The following LRG1 variants were observed in gnomAD, a reference collection of about 807,000 sequenced individuals.
The protein encoded by LRG1 is leucine rich alpha-2-glycoprotein 1.
Under a neutral mutation model 2.4 loss-of-function variants are expected in LRG1, and 1 was observed. The ratio of observed to expected loss-of-function variants is 0.41; its 90% CI spans 0.15 to 1.95. LRG1 has a LOEUF of 1.95. LRG1 is among the 30% of genes most tolerant of loss of function. LRG1 has a pLI of 0.30. For missense variants in LRG1, 425 were observed against 436.9 expected, an observed-to-expected ratio of 0.97 and a Z score of 0.24; for synonymous variants, 226 against 210.6, an observed-to-expected ratio of 1.07 and a Z score of -0.63.
In LRG1 at chr19:4,538,227, C is replaced by T; in HGVS notation, c.757G>A (p.Ala253Thr). The change falls in exon 2 of 2, where the codon GCC (alanine) becomes ACC (threonine). Residue 253 changes from alanine to threonine, a missense_variant. Transcript: ENST00000306390. ...LNGNKLARVA[A>T]GAFQGLRQLD... ...TGCCGCAGGCCCTGGAAGGCACCGG[C>T]TGCCACCCTGGCCAGCTTGTTGCCG... The T allele has an allele frequency of 6.2e-7, 1 of 1,614,046 alleles. No individual in the cohort carries two copies. The highest frequency in any genetic ancestry group is 1.1e-5 in the South Asian group (1 of 91,088).
chr19:4,538,657 G>A lies in LRG1; in HGVS notation c.327C>T (p.Pro109=), dbSNP rs567253168. The A allele has an allele frequency of 1.4e-4, 222 of 1,613,210 alleles. 3 individuals carry two copies. The South Asian group carries it at 2.3e-3, about 17-fold the overall frequency. ...GCTGCGGCACTGGCCGCAGGAATTC[G>A]GGCGAGAGGCTTTCCAGCCCATTGC... The part of the protein sequence containing the change: ...LSSNGLESLS[P]EFLRPVPQLR... Residue 109 remains proline (P), a synonymous_variant, in exon 2 of 2, where the codon CCC becomes CCT. Transcript: ENST00000306390.
At position 4,537,999 on chromosome 19, in the gene LRG1, AGC is replaced by A. The variant is rs776048394; in HGVS notation, c.983_984del (p.Arg328LeufsTer5). 5 of 1,613,794 alleles carry A rather than the reference AGC, an allele frequency of 3.1e-6. No homozygotes were observed. The highest frequency in any genetic ancestry group is 4.2e-6 in the Non-Finnish European group (5 of 1,180,052). On this transcript the variant is annotated frameshift_variant, in exon 2 of 2. Coordinates refer to ENST00000306390, the MANE Select transcript of LRG1 (RefSeq NM_052972.3). LOFTEE classifies it low-confidence loss of function (END_TRUNC). ...KDKMFSQNDT[R>X]CAGPEAVKGQ... ...CCCTTCACGGCTTCAGGCCCAGCAC[AGC>A]GCGTGTCATTCTGGGAAAACATCTT...
chr19:4,538,483 C>T lies in LRG1; in HGVS notation c.501G>A (p.Gly167=). 1.2e-6 allele frequency: 2 copies of T among 1,614,024 alleles called. No homozygotes were observed. The highest frequency in any genetic ancestry group is 1.7e-5 in the Admixed American group (1 of 60,014). Residue 167 remains glycine, a synonymous_variant, in exon 2 of 2, where the codon GGG becomes GGA. Transcript: ENST00000306390. ...GGCGGTTCCCAGACAGGTCCAGATG[C>T]CCCAGAGCTTTCAGGCCGTGTAGCC... ...VSWLHGLKAL[G]HLDLSGNRLR...
At position 4,538,767 on chromosome 19, in the gene LRG1, G is replaced by C. The variant is rs377200822; in HGVS notation, c.217C>G (p.Leu73Val). 3.5e-5 allele frequency: 56 copies of C among 1,606,434 alleles called. No homozygotes were observed. The highest frequency in any genetic ancestry group is 3.3e-4 in the Middle Eastern group (2 of 6,060). The change falls in exon 2 of 2, where the codon CTG becomes GTG. Residue 73 changes from leucine to valine, a missense_variant. By Grantham distance (32) the Leu-to-Val change is conservative (BLOSUM62 1). Coordinates refer to ENST00000306390, the MANE Select transcript of LRG1 (RefSeq NM_052972.3). ...PGYLPADTVH[L>V]AVEFFNLTHL... ...GTCAGGTTGAAGAATTCCACGGCCA[G>C]GTGCACGGTGTCGGCTGGCAGGTAG...
In LRG1 at chr19:4,538,813, T is replaced by C. The variant is rs747956810; in HGVS notation, c.171A>G (p.Gln57=). 3.7e-6 allele frequency: 6 copies of C among 1,601,928 alleles called. No homozygotes were observed. The African/African-American group carries it at 8.0e-5, about 21-fold the overall frequency. The change falls in exon 2 of 2, where the codon CAA becomes CAG. Residue 57 remains glutamine (Q), a synonymous_variant. Coordinates refer to ENST00000306390, the MANE Select transcript of LRG1 (RefSeq NM_052972.3). ...RSDHGSSISC[Q]PPAEIPGYLP... Reference sequence around the variant, plus strand: ...GGTAGCCGGGGATTTCGGCAGGTGGTTGACAGGAGATGGAGCTGCCATGGT... The same window carrying C: ...GGTAGCCGGGGATTTCGGCAGGTGGCTGACAGGAGATGGAGCTGCCATGGT...
rs116144652 is a variant in LRG1, at chr19:4,538,283, G to A, written c.701C>T (p.Pro234Leu). 7.5e-4 allele frequency: 1,218 copies of A among 1,614,182 alleles called. 3 individuals carry two copies. In the African/African-American group the frequency reaches 0.012, roughly 16 times the overall value. Residue 234 changes from proline (P) to leucine (L), a missense_variant, in exon 2 of 2, where the codon CCG (proline) becomes CTG (leucine). By Grantham distance (98) the Pro-to-Leu change is moderately conservative. Coordinates refer to ENST00000306390, the MANE Select transcript of LRG1 (RefSeq NM_052972.3). ...GAAGAGGTAGCGCAGGTCCGGCTGC[G>A]GCAAGAGGAGATCTTTTCCCAGTAC... is the stretch of plus-strand genomic sequence containing the variant. ...LQVLGKDLLL[P>L]QPDLRYLFLN...
chr19:4,538,992 A>C, intron 1 of LRG1, 41 bp from the exon 2 acceptor site: 1 of 1,473,638 alleles, frequency 6.8e-7, no homozygotes, highest in Non-Finnish European at 9.0e-7. Flanking sequence ...ACCACAGTGA[A>C]AATACACTCA....
rs2145334652 is a variant in LRG1, at chr19:4,537,726, C to T, written c.*214G>A. ...GGGACTACAGGTGCCCACCACCACGCCTGGCTAATTTTTTATATTTTTAGT... is the reference window on the plus strand; with the variant it reads ...GGGACTACAGGTGCCCACCACCACGTCTGGCTAATTTTTTATATTTTTAGT... On this transcript the variant is annotated 3_prime_UTR_variant, in exon 2 of 2. Transcript: ENST00000306390. 4 of 546,242 alleles carry T rather than the reference C, an allele frequency of 7.3e-6. No homozygotes were observed. The South Asian group carries it at 9.1e-5, about 12-fold the overall frequency. The allele number at this position is 546,242 out of a possible 1,614,324, so 33.8% of individuals were successfully genotyped here. A position where few individuals can be genotyped will look rare whatever the true frequency, so the allele number is the denominator to read the frequency against.
chr19:4,538,793 C>A lies in LRG1; in HGVS notation c.191G>T (p.Gly64Val). The A allele has an allele frequency of 6.2e-7, 1 of 1,604,774 alleles. No homozygotes were observed. Among genetic ancestry groups the A allele is most frequent in the Non-Finnish European group, 8.5e-7 (1 of 1,173,018 alleles). Residue 64 changes from glycine to valine, a missense_variant, in exon 2 of 2, where the codon GGC becomes GTC. Transcript: ENST00000306390. Reference protein sequence around the residue: ...ISCQPPAEIPGYLPADTVHLA... With the variant: ...ISCQPPAEIPVYLPADTVHLA... ...GTGCACGGTGTCGGCTGGCAGGTAGCCGGGGATTTCGGCAGGTGGTTGACA... is the reference window on the plus strand; with the variant it reads ...GTGCACGGTGTCGGCTGGCAGGTAGACGGGGATTTCGGCAGGTGGTTGACA...
rs1043287083 is a variant in LRG1, at chr19:4,536,982, C to T, written c.*958G>A. 1.3e-5 allele frequency: 2 copies of T among 152,384 alleles called. No homozygotes were observed. Among genetic ancestry groups the T allele is most frequent in the Middle Eastern group, 3.4e-3 (1 of 294 alleles). The allele number at this position is 152,384 out of a possible 1,614,324, so 9.4% of individuals were successfully genotyped here. ...CTAGGACACAAGCCCTGGCAGAAAT[C>T]CACTGGTAAAATGACACCCGGGCAA... is the stretch of plus-strand genomic sequence containing the variant. On this transcript the variant is annotated 3_prime_UTR_variant, in exon 2 of 2. Transcript: ENST00000306390.
chr19:4,539,687 G>C (rs1285486066), intron 1 of LRG1, among the ~76,000 whole-genome samples: 2 of 152,300 alleles, frequency 1.3e-5, no homozygotes, highest in African/African-American at 4.8e-5. Flanking sequence ...CCTCCTCCAG[G>C]GCTTCCCTGG....
At chr19:4,539,503 A>G (rs1158054017) in intron 1 of LRG1, among the ~76,000 whole-genome samples, 1 of 152,234 alleles carries the variant, frequency 6.6e-6, no homozygotes, top group Non-Finnish European at 1.5e-5. Flanking sequence ...TTTTTGAGAC[A>G]GAGTCTTGCT....
chr19:4,538,416 G>C lies in LRG1; in HGVS notation c.568C>G (p.Leu190Val), dbSNP rs367555765. The part of the protein sequence containing the change: ...PPGLLANFTL[L>V]RTLDLGENQL... ...TTCTCCCCAAGGTCAAGGGTGCGCA[G>C]GAGGGTGAAGTTGGCCAGCAGCCCG... Residue 190 changes from leucine to valine, a missense_variant, in exon 2 of 2, where the codon CTG (leucine) becomes GTG (valine). Coordinates refer to ENST00000306390, the MANE Select transcript of LRG1 (RefSeq NM_052972.3). 1 of 1,614,192 alleles carries C rather than the reference G, an allele frequency of 6.2e-7. No homozygotes were observed.
In LRG1 at chr19:4,539,938, T is replaced by C. The variant is rs186602549; in HGVS notation, c.32+44A>G. On this transcript the variant is annotated intron_variant, in intron 1 of 1. Coordinates refer to ENST00000306390, the MANE Select transcript of LRG1 (RefSeq NM_052972.3). ...TGGAATGTCCTGTATCTCCGCATGG[T>C]CTGGCGTTCAAACCTGCCTAGGACA... is the stretch of plus-strand genomic sequence containing the variant. 9.7e-4 allele frequency: 1,560 copies of C among 1,612,654 alleles called. 18 individuals carry two copies. The African/African-American group carries it at 0.019, about 20-fold the overall frequency.
rs1976963982 is a variant in LRG1, at chr19:4,537,964, G to A, written c.1020C>T (p.Leu340=). ...AGPEAVKGQT[L]LAVAKSQ Reference sequence around the variant, plus strand: ...CTCACTGGGACTTGGCCACTGCCAGGAGCGTCTGGCCCTTCACGGCTTCAG... The same window carrying A: ...CTCACTGGGACTTGGCCACTGCCAGAAGCGTCTGGCCCTTCACGGCTTCAG... The change falls in exon 2 of 2, where the codon CTC becomes CTT. Residue 340 remains leucine, a synonymous_variant. Transcript: ENST00000306390. The A allele has an allele frequency of 1.2e-6, 2 of 1,611,536 alleles. No individual in the cohort carries two copies. The highest frequency in any genetic ancestry group is 1.7e-6 in the Non-Finnish European group (2 of 1,178,394).
In LRG1 at chr19:4,538,461, G is replaced by A. The variant is rs200192398; in HGVS notation, c.523C>T (p.Arg175Cys). The change falls in exon 2 of 2, where the codon CGC becomes TGC. Residue 175 changes from arginine to cysteine, a missense_variant. Physicochemically the swap from Arg to Cys is radical, Grantham distance 180. Coordinates refer to ENST00000306390, the MANE Select transcript of LRG1 (RefSeq NM_052972.3). ...ALGHLDLSGN[R>C]LRKLPPGLLA... is the part of the protein sequence containing the mutation. ...AGCCCGGGGGGCAGTTTCCGGAGGC[G>A]GTTCCCAGACAGGTCCAGATGCCCC... 44 of 1,614,028 alleles carry A rather than the reference G, an allele frequency of 2.7e-5. No individual in the cohort carries two copies. In the Middle Eastern group the frequency reaches 4.9e-4, roughly 18 times the overall value.
At position 4,538,148 on chromosome 19, in the gene LRG1, A is replaced by G. The variant is rs573282153; in HGVS notation, c.836T>C (p.Leu279Pro). Residue 279 changes from leucine (L) to proline (P), a missense_variant, in exon 2 of 2, where the codon CTC becomes CCC. By Grantham distance (98) the Leu-to-Pro change is moderately conservative. Coordinates refer to ENST00000306390, the MANE Select transcript of LRG1 (RefSeq NM_052972.3). ...GTTTGGCTGCCCTAGGGATGCCCAGAGCCCCTCGGGCACGCTGGCCAGTGA... is the reference window on the plus strand; with the variant it reads ...GTTTGGCTGCCCTAGGGATGCCCAGGGCCCCTCGGGCACGCTGGCCAGTGA... ...NNSLASVPEG[L>P]WASLGQPNWD... 3 of 1,614,034 alleles carry G rather than the reference A, an allele frequency of 1.9e-6. No homozygotes were observed. The highest frequency in any genetic ancestry group is 1.3e-5 in the African/African-American group (1 of 75,040).
chr19:4,537,911 C>G lies in LRG1; in HGVS notation c.*29G>C, dbSNP rs890763797. ...AAGCGGGTTGCAGTGTTCTACCAGA[C>G]CCCCCACCCTCAACCCAAGCCCCTG... On this transcript the variant is annotated 3_prime_UTR_variant, in exon 2 of 2. Coordinates refer to ENST00000306390, the MANE Select transcript of LRG1 (RefSeq NM_052972.3). 1.0e-5 allele frequency: 16 copies of G among 1,583,658 alleles called. No homozygotes were observed. The highest frequency in any genetic ancestry group is 1.2e-5 in the Non-Finnish European group (14 of 1,163,188).
chr19:4,538,363 G>A lies in LRG1; in HGVS notation c.621C>T (p.Leu207=), dbSNP rs767562861. ...GTTCTAATTGCAGCGGACCCCTCAG[G>A]AGGTCAGGTGGCAAGGTCTCCAACT... ...ENQLETLPPD[L]LRGPLQLERL... is the part of the protein sequence containing the mutation. Residue 207 remains leucine, a synonymous_variant, in exon 2 of 2, where the codon CTC becomes CTT. Transcript: ENST00000306390. The A allele has an allele frequency of 7.4e-6, 12 of 1,614,064 alleles. No individual in the cohort carries two copies. Among genetic ancestry groups the A allele is most frequent in the Non-Finnish European group, 9.3e-6 (11 of 1,180,048 alleles).
Sources: gnomAD v4.1 joint callset for allele counts (sites outside exome capture counted in the v4.1 genomes callset) on GRCh38, gnomAD v4.1.1 for gene constraint, MANE v1.5 for transcripts, NCBI Gene and HGNC (gene_info 2026-07-23, HGNC 2026-07-21) for gene names.